Variants in TENT4A observed in about 807,000 individuals in gnomAD.
The protein encoded by TENT4A is DNA polymerase kappa.
Under a neutral mutation model 72.8 loss-of-function variants are expected in TENT4A, and 7 were observed. The observed-to-expected ratio is 0.10, with a 90% CI of 0.05 to 0.18. The LOEUF (loss-of-function observed/expected upper bound fraction) is 0.18, where lower values mean the gene tolerates loss of function less well. TENT4A is among the 10% of genes least tolerant of loss of function. The pLI, the probability that TENT4A is intolerant of heterozygous loss-of-function variation, is 1.00. For missense variants in TENT4A, 831 were observed against 1,017.7 expected, an observed-to-expected ratio of 0.82 and a Z score of 2.50; for synonymous variants, 456 against 434.3, an observed-to-expected ratio of 1.05 and a Z score of -0.62.
At chr5:6,728,882 A>G (rs274700) in intron 1 of TENT4A, among the ~76,000 whole-genome samples, 18,764 of 152,308 alleles carry the variant, frequency 0.12, 1,534 homozygotes, top group East Asian at 0.29. Flanking sequence ...GAAACTACCT[A>G]TAATTTTTCC....
chr5:6,715,889 C>T (rs1740358869), intron 1 of TENT4A, among the ~76,000 whole-genome samples: 1 of 151,998 alleles, frequency 6.6e-6, no homozygotes, highest in Non-Finnish European at 1.5e-5. Flanking sequence ...GCGCAGACTC[C>T]TCTTCTCTCC....
intron 1 of TENT4A, among the ~76,000 whole-genome samples, chr5:6,724,906 G>T (rs918601283): frequency 6.6e-6 from 1 of 152,226 alleles, no homozygotes; most frequent in Non-Finnish European, 1.5e-5. Flanking sequence ...CTGGCCTGGG[G>T]TCACACAGCT....
At chr5:6,728,182 G>A (rs143038837) in intron 1 of TENT4A, among the ~76,000 whole-genome samples, 3 of 152,302 alleles carry the variant, frequency 2.0e-5, no homozygotes, top group Admixed American at 6.5e-5. Flanking sequence ...CCTCTGAGCT[G>A]TCTGTAGAAT....
intron 5 of TENT4A, 69 bp downstream of exon 5, chr5:6,742,666 C>T (rs898533387): frequency 3.8e-5 from 33 of 866,166 alleles, no homozygotes; most frequent in Admixed American, 2.6e-4. Context: ...TGGCATCCTA[C>T]GATGTTTACA....
chr5:6,721,220 G>A (rs1189868184), intron 1 of TENT4A, among the ~76,000 whole-genome samples: 5 of 152,166 alleles, frequency 3.3e-5, no homozygotes, highest in African/African-American at 1.2e-4. Flanking sequence ...GCAGGAGGAG[G>A]ATCTGCCAAC....
rs1742630538 is a variant in TENT4A, at chr5:6,755,220, G to A, written c.*275G>A. Reference sequence around the variant, plus strand: ...CTGAGGCAGGTCGGGCTCAGGAACTGCAGGGACGTGAACATGCGCTTGCGG... The same window carrying A: ...CTGAGGCAGGTCGGGCTCAGGAACTACAGGGACGTGAACATGCGCTTGCGG... On this transcript the variant is annotated 3_prime_UTR_variant, in exon 13 of 13. Transcript: ENST00000230859. The A allele has an allele frequency of 9.0e-6, 3 of 334,998 alleles. No homozygotes were observed. The highest frequency in any genetic ancestry group is 1.1e-5 in the Non-Finnish European group (2 of 183,786). The allele number at this position is 334,998 out of a possible 1,614,324, so 20.8% of individuals were successfully genotyped here.
intron 11 of TENT4A, chr5:6,751,557 C>T (rs1742409333): frequency 4.9e-6 from 1 of 202,602 alleles, no homozygotes; most frequent in East Asian, 1.2e-4. Context: ...CCGTGCCAGA[C>T]ACTTGTCCCT....
At chr5:6,732,673 CTA>C (rs1179846333) in intron 1 of TENT4A, among the ~76,000 whole-genome samples, 1 of 152,188 alleles carries the variant, frequency 6.6e-6, no homozygotes, top group African/African-American at 2.4e-5. Flanking sequence ...GTAAAGCACA[CTA>C]GGAAATAATG....
At chr5:6,722,042 G>A (rs555056400) in intron 1 of TENT4A, among the ~76,000 whole-genome samples, 37 of 152,320 alleles carry the variant, frequency 2.4e-4, no homozygotes, top group Admixed American at 1.7e-3. Flanking sequence ...CATCAGACCT[G>A]CTCGGTGGAG....
rs748555327 is a variant in TENT4A at position 6,750,516 on chromosome 5, C to G, written c.1860+13C>G. The G allele has an allele frequency of 1.5e-5, 23 of 1,571,246 alleles. No individual in the cohort carries two copies. The South Asian group carries it at 2.1e-4, about 14-fold the overall frequency. On this transcript the variant is annotated intron_variant, in intron 10 of 12. Transcript: ENST00000230859. Reference sequence around the variant, plus strand: ...TGGGAGTGACGTTGTAAGTGCCCTCCCCTCCTCCGTGTGTCTGTTGGACAG... The same window carrying G: ...TGGGAGTGACGTTGTAAGTGCCCTCGCCTCCTCCGTGTGTCTGTTGGACAG...
chr5:6,750,194 T>G, intron 9 of TENT4A, 137 bp from the exon 10 acceptor site: 1 of 518,052 alleles, frequency 1.9e-6, no homozygotes, highest in Non-Finnish European at 3.2e-6. Context: ...AAAATTAAAT[T>G]AGGCAAAACC....
chr5:6,719,892 G>A (rs776147475), intron 1 of TENT4A, among the ~76,000 whole-genome samples: 16 of 152,150 alleles, frequency 1.1e-4, no homozygotes, highest in South Asian at 2.1e-4. Flanking sequence ...CAGGGATGGC[G>A]GGGCTGGGTT....
Position 6,714,362 on chromosome 5 carries a change from G to A in TENT4A, c.379G>A (p.Gly127Ser), listed in dbSNP as rs1474077695. The A allele has an allele frequency of 1.8e-6, 2 of 1,138,164 alleles. No homozygotes were observed. Among genetic ancestry groups the A allele is most frequent in the Non-Finnish European group, 2.2e-6 (2 of 928,674 alleles). The allele number at this position is 1,138,164 out of a possible 1,614,324, so 70.5% of individuals were successfully genotyped here. A position where few individuals can be genotyped will look rare whatever the true frequency, so the allele number is the denominator to read the frequency against. The change falls in exon 1 of 13, where the codon GGC becomes AGC. Residue 127 changes from glycine (G) to serine (S), a missense_variant. Around this residue, in one of 3 missense-constraint regions of TENT4A, gnomAD observed 302 missense variants for 293.8 expected, o/e 1.03. Transcript: ENST00000230859. ...CGCGGAGTCGGGCACCGAGAGCCCC[G>A]GCTGCTCGTCGTCGTCCTCCAGCAG... ...SNAESGTESP[G>S]CSSSSSSSAS...
intron 1 of TENT4A, among the ~76,000 whole-genome samples, chr5:6,718,967 AG>A (rs1187928602): frequency 1.3e-5 from 2 of 151,460 alleles, no homozygotes; most frequent in African/African-American, 4.9e-5. Flanking sequence ...ATCTTTTCGC[AG>A]GAAAAAAAAA....
intron 1 of TENT4A, among the ~76,000 whole-genome samples, chr5:6,721,040 T>TC (rs1186978071): frequency 1.3e-5 from 2 of 152,188 alleles, no homozygotes; most frequent in Non-Finnish European, 2.9e-5. Flanking sequence ...CTTCCCTCTG[T>TC]CCCTTCCTGA....
At chr5:6,743,621 C>T (rs1741939856) in intron 5 of TENT4A, 91 bp from the exon 6 acceptor site, 2 of 1,093,922 alleles carry the variant, frequency 1.8e-6, no homozygotes, top group African/African-American at 1.6e-5. Flanking sequence ...ATCGAGGAAA[C>T]TTTCCTTTCT....
intron 1 of TENT4A, among the ~76,000 whole-genome samples, chr5:6,720,416 G>A (rs1740588065): frequency 1.3e-5 from 2 of 152,092 alleles, no homozygotes; most frequent in East Asian, 3.9e-4. Flanking sequence ...CCAGCCCATC[G>A]CAATGACTCT....
At chr5:6,747,469 C>G (rs980510139) in intron 7 of TENT4A, among the ~76,000 whole-genome samples, 2 of 152,054 alleles carry the variant, frequency 1.3e-5, no homozygotes, top group African/African-American at 4.8e-5. Flanking sequence ...TTTATGGCTT[C>G]TGGGATGTGA....
intron 1 of TENT4A, among the ~76,000 whole-genome samples, chr5:6,717,353 T>A (rs1224835856): frequency 6.6e-6 from 1 of 152,188 alleles, no homozygotes; most frequent in South Asian, 2.1e-4. Flanking sequence ...GAAAATGCAG[T>A]GTGTATTCCT....
Sources: allele counts gnomAD v4.1 joint callset (sites outside exome capture counted in the v4.1 genomes callset), GRCh38; gene constraint gnomAD v4.1.1; regional missense constraint gnomAD v4.1.1; transcripts MANE v1.5; gene names NCBI Gene and HGNC (gene_info 2026-07-23, HGNC 2026-07-21).